Variants in WDFY2 observed in about 807,000 individuals in gnomAD.
WDFY2 encodes WD repeat and FYVE domain-containing protein 2.
A neutral mutation model predicts 56.4 loss-of-function variants in WDFY2; 36 were observed. That is an observed-to-expected ratio of 0.64 (90% CI 0.49 to 0.84). The LOEUF is 0.84. Among genes scored for constraint, WDFY2 ranks in the 40% least tolerant of loss-of-function variants. WDFY2 has a pLI of 0.00. For synonymous variants in WDFY2, 176 were observed against 183.7 expected (o/e 0.96, Z 0.34); for missense variants, 444 against 512.2 (o/e 0.87, Z 1.29).
intron 4 of WDFY2, among the ~76,000 whole-genome samples, chr13:51,704,380 G>T (rs1251383790): frequency 6.6e-6 from 1 of 152,136 alleles, no homozygotes; most frequent in Admixed American, 6.5e-5. Flanking sequence ...TGTCTATTGT[G>T]TTCTGGTAAC....
chr13:51,608,832 T>A (rs1954433914), intron 1 of WDFY2, among the ~76,000 whole-genome samples: 1 of 152,212 alleles, frequency 6.6e-6, no homozygotes, highest in African/African-American at 2.4e-5. Context: ...TTGATCTACC[T>A]CATTCAGTAC....
Position 51,719,314 on chromosome 13 carries a change from G to C in WDFY2, c.451G>C (p.Gly151Arg). 6.2e-7 allele frequency: 1 copy of C among 1,612,310 alleles called. No individual in the cohort carries two copies. The highest frequency in any genetic ancestry group is 8.5e-7 in the Non-Finnish European group (1 of 1,179,056). Reference protein sequence around the residue: ...HCSESGQRLGGYRTSAVASGL... With the variant: ...HCSESGQRLGRYRTSAVASGL... ...CTCTGAGAGTGGGCAGCGCCTGGGAGGTTATCGGACCAGTGCTGTGGCCTC... is the reference window on the plus strand; with the variant it reads ...CTCTGAGAGTGGGCAGCGCCTGGGACGTTATCGGACCAGTGCTGTGGCCTC... Residue 151 changes from glycine to arginine, a missense_variant, in exon 5 of 12, where the codon GGT (glycine) becomes CGT (arginine). Gly to Arg is a moderately radical substitution (Grantham distance 125). Coordinates refer to ENST00000298125, the MANE Select transcript of WDFY2 (RefSeq NM_052950.4).
chr13:51,749,059 G>GT (rs1349469829), intron 7 of WDFY2, among the ~76,000 whole-genome samples: 1 of 152,122 alleles, frequency 6.6e-6, no homozygotes, highest in Non-Finnish European at 1.5e-5. Context: ...TATTAAGCCA[G>GT]ACATTAGAAA....
At chr13:51,598,414 G>A (rs1288057858) in intron 1 of WDFY2, 3 of 152,222 alleles carry the variant, frequency 2.0e-5, no homozygotes, top group East Asian at 1.9e-4. Context: ...AGGGTCACAG[G>A]GATGCTAAGA....
At chr13:51,646,442 G>C (rs913364615) in intron 1 of WDFY2, among the ~76,000 whole-genome samples, 1 of 152,136 alleles carries the variant, frequency 6.6e-6, no homozygotes, top group South Asian at 2.1e-4. Context: ...ATGCCCCCAC[G>C]TGCCCCTATC....
chr13:51,602,725 C>G (rs1954310166), intron 1 of WDFY2, among the ~76,000 whole-genome samples: 1 of 152,166 alleles, frequency 6.6e-6, no homozygotes, highest in African/African-American at 2.4e-5. Context: ...AGTTTTTTAG[C>G]TGAGCACATT....
At chr13:51,609,402 C>T (rs907684114) in intron 1 of WDFY2, among the ~76,000 whole-genome samples, 8 of 152,028 alleles carry the variant, frequency 5.3e-5, no homozygotes, top group Non-Finnish European at 4.4e-5. Flanking sequence ...CATAATAATA[C>T]AATCAAGCAT....
At chr13:51,734,537 G>A (rs920878624) in intron 6 of WDFY2, among the ~76,000 whole-genome samples, 7 of 152,170 alleles carry the variant, frequency 4.6e-5, no homozygotes, top group East Asian at 1.9e-4. Context: ...ATATTTTGGC[G>A]ATTTTTTTAT....
chr13:51,606,441 C>G (rs1954386337), intron 1 of WDFY2, among the ~76,000 whole-genome samples: 1 of 152,026 alleles, frequency 6.6e-6, no homozygotes, highest in Non-Finnish European at 1.5e-5. Flanking sequence ...AGGTTAGATG[C>G]TTTTATAACT....
At chr13:51,739,686 G>T (rs75269666) in intron 7 of WDFY2, among the ~76,000 whole-genome samples, 3,596 of 152,272 alleles carry the variant, frequency 0.024, 58 homozygotes, top group Non-Finnish European at 0.033. Context: ...GATTTTAGGG[G>T]GCTGAGAGGA....
intron 3 of WDFY2, among the ~76,000 whole-genome samples, chr13:51,692,293 C>T (rs1951757410): frequency 6.6e-6 from 1 of 152,118 alleles, no homozygotes; most frequent in African/African-American, 2.4e-5. Context: ...GGAATCCTTC[C>T]AGTTTTTGCC....
chr13:51,692,459 T>G (rs906794469), intron 3 of WDFY2, among the ~76,000 whole-genome samples: 11 of 152,316 alleles, frequency 7.2e-5, no homozygotes, highest in African/African-American at 2.4e-4. Context: ...AATCATGTGG[T>G]TTTTCTCTTT....
chr13:51,699,689 G>GATA (rs1951944447), intron 3 of WDFY2, among the ~76,000 whole-genome samples: 1 of 152,202 alleles, frequency 6.6e-6, no homozygotes, highest in Non-Finnish European at 1.5e-5. Context: ...GTCCAATGCT[G>GATA]ATAAGATGTG....
chr13:51,696,426 C>T (rs1951877831), intron 3 of WDFY2, among the ~76,000 whole-genome samples: 1 of 152,140 alleles, frequency 6.6e-6, no homozygotes, highest in Admixed American at 6.5e-5. Context: ...AATTTAGGAG[C>T]ACATAGCCTT....
intron 1 of WDFY2, among the ~76,000 whole-genome samples, chr13:51,612,267 C>A (rs1033565240): frequency 1.3e-5 from 2 of 152,080 alleles, no homozygotes; most frequent in African/African-American, 4.8e-5. Context: ...GCCCTGCCTC[C>A]CTGTTTAGGA....
chr13:51,766,245 TA>T lies in WDFY2; in HGVS notation c.*6477del, dbSNP rs1566263675. ...GTCATTTTGCAAAAGGAAATCTTTA[TA>T]TGAAATGTACAAAAACCGTTACTAA... is the stretch of plus-strand genomic sequence containing the variant. On this transcript the variant is annotated 3_prime_UTR_variant, in exon 12 of 12. Coordinates refer to ENST00000298125, the MANE Select transcript of WDFY2 (RefSeq NM_052950.4). The T allele has an allele frequency of 6.6e-6, 1 of 152,234 alleles. No individual in the cohort carries two copies. The highest frequency in any genetic ancestry group is 1.5e-5 in the Non-Finnish European group (1 of 68,046). 9.4% of individuals were successfully genotyped at this position (152,234 alleles called of 1,614,324 possible).
intron 1 of WDFY2, among the ~76,000 whole-genome samples, chr13:51,609,383 T>A (rs1339272365): frequency 6.6e-6 from 1 of 152,190 alleles, no homozygotes; most frequent in Non-Finnish European, 1.5e-5. Flanking sequence ...AAGGGCTGAT[T>A]AGGGTATTCA....
chr13:51,614,030 CA>C (rs772229606), intron 1 of WDFY2, among the ~76,000 whole-genome samples: 19 of 151,712 alleles, frequency 1.3e-4, no homozygotes, highest in Non-Finnish European at 2.7e-4. Context: ...ACTAAAAATA[CA>C]AAAAATTAGC....
At chr13:51,736,616 C>T (rs1483454139) in intron 6 of WDFY2, among the ~76,000 whole-genome samples, 1 of 152,208 alleles carries the variant, frequency 6.6e-6, no homozygotes, top group Non-Finnish European at 1.5e-5. Flanking sequence ...CCTCAGCCTC[C>T]CAAGTAGCTG....
Sources: gnomAD v4.1 joint callset for allele counts (sites outside exome capture counted in the v4.1 genomes callset) on GRCh38, gnomAD v4.1.1 for gene constraint, MANE v1.5 for transcripts, NCBI Gene and HGNC (gene_info 2026-07-23, HGNC 2026-07-21) for gene names.